The following SCAPER variants were observed in gnomAD, a reference collection of about 807,000 sequenced individuals.
SCAPER encodes S-phase cyclin A associated protein in the ER.
Under a neutral mutation model 182.2 loss-of-function variants are expected in SCAPER, and 98 were observed. The observed-to-expected ratio is 0.54, with a 90% CI of 0.46 to 0.64. SCAPER has a LOEUF of 0.64. Among genes scored for constraint, SCAPER ranks in the 30% least tolerant of loss-of-function variants. The pLI is 0.00. For synonymous variants in SCAPER, 605 were observed against 564.6 expected (o/e 1.07, Z -1.01); for missense variants, 1,432 against 1,690.0 (o/e 0.85, Z 2.68).
At chr15:76,619,712 T>TAATGCTAA (rs2051843341) in intron 22 of SCAPER, among the ~76,000 whole-genome samples, 1 of 152,166 alleles carries the variant, frequency 6.6e-6, no homozygotes, top group Admixed American at 6.6e-5. Flanking sequence ...TAGCATTAGG[T>TAATGCTAA]ATATCTCCTA....
Position 76,491,024 on chromosome 15 carries a change from G to A in SCAPER, c.2954+13835C>T, listed in dbSNP as rs76515410. Among the ~76,000 whole-genome samples, 124 of 152,180 alleles carry A rather than the reference G, an allele frequency of 8.1e-4. 1 individual carries two copies. The East Asian group carries it at 0.023, about 28-fold the overall frequency. ...TAGAAGAGGCAGAGAGAGCCCTAGA[G>A]CCCAGGCCTTGGTGGTCATTAAGAT... On this transcript the variant is annotated intron_variant, in intron 24 of 31. Transcript: ENST00000563290.
chr15:76,574,078 T>C (rs994428925), intron 23 of SCAPER, 80 bp downstream of exon 23: 1 of 1,398,422 alleles, frequency 7.2e-7, no homozygotes, highest in Non-Finnish European at 9.5e-7. Context: ...ATACTGAGTC[T>C]GCCTTATAGC....
intron 21 of SCAPER, among the ~76,000 whole-genome samples, chr15:76,637,072 A>G (rs2053662733): frequency 6.6e-6 from 1 of 152,082 alleles, no homozygotes. Flanking sequence ...GTATATACAT[A>G]AGGCTATGCA....
intron 28 of SCAPER, among the ~76,000 whole-genome samples, 170 bp from the exon 29 acceptor site, chr15:76,376,481 G>A (rs2042578960): frequency 6.6e-6 from 1 of 152,162 alleles, no homozygotes. Context: ...TCTAATAAAT[G>A]TCCCATAATA....
intron 23 of SCAPER, among the ~76,000 whole-genome samples, chr15:76,561,725 T>TA (rs2046640938): frequency 6.6e-6 from 1 of 152,084 alleles, no homozygotes; most frequent in African/African-American, 2.4e-5. Context: ...ACTTTTTTTT[T>TA]TTAGACGGAG....
chr15:76,433,104 A>G (rs2046972468), intron 26 of SCAPER, among the ~76,000 whole-genome samples: 1 of 152,266 alleles, frequency 6.6e-6, no homozygotes, highest in African/African-American at 2.4e-5. Flanking sequence ...ATTTATAACC[A>G]GAGATGAACT....
chr15:76,529,391 T>A (rs1344629232), intron 23 of SCAPER, among the ~76,000 whole-genome samples: 1 of 152,202 alleles, frequency 6.6e-6, no homozygotes, highest in Non-Finnish European at 1.5e-5. Context: ...TCAACAAATG[T>A]TTAACAGACA....
At chr15:76,843,791 C>T (rs776929596) in intron 4 of SCAPER, among the ~76,000 whole-genome samples, 13 of 151,388 alleles carry the variant, frequency 8.6e-5, no homozygotes, top group Non-Finnish European at 1.5e-4. Context: ...GACCTTGAAG[C>T]TCTCTTTAAA....
At chr15:76,759,277 A>G (rs948861144) in intron 14 of SCAPER, among the ~76,000 whole-genome samples, 24 of 152,118 alleles carry the variant, frequency 1.6e-4, no homozygotes, top group African/African-American at 5.8e-4. Flanking sequence ...TTATTAAAAA[A>G]AGAACTTTAT....
intron 5 of SCAPER, among the ~76,000 whole-genome samples, chr15:76,820,690 G>GT: frequency 6.6e-6 from 1 of 151,454 alleles, no homozygotes; most frequent in Non-Finnish European, 1.5e-5. Context: ...GTATACATAT[G>GT]TAACAAACCT....
intron 26 of SCAPER, among the ~76,000 whole-genome samples, chr15:76,418,011 C>A: frequency 6.6e-6 from 1 of 151,770 alleles, no homozygotes. Context: ...AGCAAGACTC[C>A]GTCTCAAAAA....
chr15:76,882,687 C>T lies in SCAPER; in HGVS notation c.6+1125G>A, dbSNP rs550060493. The stretch of plus-strand genomic sequence containing the variant: ...CTTTCTTTTTTTCTTTTATTTGAGA[C>T]GGAGTCTCGCTCTATAGCCCAGGTT... On this transcript the variant is annotated intron_variant, in intron 2 of 31. Transcript: ENST00000563290. Among the ~76,000 whole-genome samples, 94 of 152,222 alleles carry T rather than the reference C, an allele frequency of 6.2e-4. 2 individuals carry two copies. The South Asian group carries it at 0.012, about 19-fold the overall frequency.
chr15:76,681,080 C>T (rs1009530382), intron 20 of SCAPER, among the ~76,000 whole-genome samples: 3 of 152,072 alleles, frequency 2.0e-5, no homozygotes, highest in African/African-American at 7.2e-5. Context: ...CTATCTTGAT[C>T]ATGGTGATGG....
intron 23 of SCAPER, among the ~76,000 whole-genome samples, chr15:76,570,932 C>T (rs2047391886): frequency 6.6e-6 from 1 of 152,010 alleles, no homozygotes; most frequent in Admixed American, 6.6e-5. Context: ...GGTATAAATT[C>T]TGCATTGTGC....
chr15:76,897,539 C>T (rs1253346917), intron 1 of SCAPER, among the ~76,000 whole-genome samples: 1 of 152,062 alleles, frequency 6.6e-6, no homozygotes, highest in Non-Finnish European at 1.5e-5. Context: ...AACCCCATCG[C>T]TACCAAAAAT....
At chr15:76,555,412 T>A (rs9783735) in intron 23 of SCAPER, among the ~76,000 whole-genome samples, 1 of 152,108 alleles carries the variant, frequency 6.6e-6, no homozygotes, top group Non-Finnish European at 1.5e-5. Flanking sequence ...ATAGGCTACA[T>A]GCCCCAATTA....
chr15:76,465,525 C>T (rs1403750030), intron 25 of SCAPER, among the ~76,000 whole-genome samples: 1 of 152,142 alleles, frequency 6.6e-6, no homozygotes, highest in African/African-American at 2.4e-5. Context: ...CTGTACATTG[C>T]CTTTCTGCAC....
At chr15:76,570,411 C>A (rs969015767) in intron 23 of SCAPER, among the ~76,000 whole-genome samples, 1 of 151,978 alleles carries the variant, frequency 6.6e-6, no homozygotes, top group African/African-American at 2.4e-5. Context: ...GGTACCTAGT[C>A]CCAAAATGCC....
chr15:76,397,863 T>C (rs2044191322), intron 27 of SCAPER, among the ~76,000 whole-genome samples: 1 of 152,180 alleles, frequency 6.6e-6, no homozygotes, highest in Admixed American at 6.6e-5. Context: ...TCTTGGTAGG[T>C]TGCATGTGTC....
Sources: gnomAD v4.1 joint callset for allele counts (sites outside exome capture counted in the v4.1 genomes callset) on GRCh38, gnomAD v4.1.1 for gene constraint, MANE v1.5 for transcripts, NCBI Gene and HGNC (gene_info 2026-07-23, HGNC 2026-07-21) for gene names.